NPL: variants seen among roughly 807,000 people sequenced by gnomAD.
NPL encodes the protein N-acetylneuraminate pyruvate lyase, also known as N-acetylneuraminate lyase.
NPL carries 32 observed loss-of-function variants against 41.1 expected under a neutral mutation model. The ratio of observed to expected loss-of-function variants is 0.78; its 90% CI spans 0.59 to 1.05. The LOEUF (loss-of-function observed/expected upper bound fraction) is 1.05, where lower values mean the gene tolerates loss of function less well. Ranked by LOEUF, NPL falls within the 50% of genes least tolerant of loss-of-function variation. The pLI, the probability that NPL is intolerant of heterozygous loss-of-function variation, is 0.00. For synonymous variants in NPL, 128 were observed against 134.9 expected, an observed-to-expected ratio of 0.95 and a Z score of 0.35; for missense variants, 321 against 378.4, an observed-to-expected ratio of 0.85 and a Z score of 1.26.
At chr1:182,812,240 G>A in intron 6 of NPL, 27 bp downstream of exon 6, 1 of 1,600,838 alleles carries the variant, frequency 6.2e-7, no homozygotes, top group Non-Finnish European at 8.6e-7. Flanking sequence ...ATCTGGGAGA[G>A]ACCATTCAAG....
intron 11 of NPL, among the ~76,000 whole-genome samples, chr1:182,824,685 T>G (rs1667583741): frequency 6.6e-6 from 1 of 152,010 alleles, no homozygotes; most frequent in Non-Finnish European, 1.5e-5. Flanking sequence ...TAGTCCCAGC[T>G]ACTTGGGAGG....
intron 3 of NPL, among the ~76,000 whole-genome samples, chr1:182,796,166 CAAAAAAA>C (rs11419574): frequency 6.8e-5 from 7 of 103,248 alleles, no homozygotes; most frequent in Non-Finnish European, 1.2e-4. Context: ...GGTGTGAAAT[CAAAAAAA>C]AAAAAAAAAA....
chr1:182,795,449 A>C (rs1477496757), intron 3 of NPL, among the ~76,000 whole-genome samples: 1 of 152,212 alleles, frequency 6.6e-6, no homozygotes, highest in East Asian at 1.9e-4. Flanking sequence ...ACCTTTTACA[A>C]GGGACTTTCT....
At chr1:182,791,926 T>C (rs1666527199) in intron 1 of NPL, among the ~76,000 whole-genome samples, 1 of 152,136 alleles carries the variant, frequency 6.6e-6, no homozygotes, top group African/African-American at 2.4e-5. Flanking sequence ...GGAAAAATTA[T>C]AAAGGCGAAA....
chr1:182,802,368 T>G (rs1268035120), intron 3 of NPL, among the ~76,000 whole-genome samples: 1 of 152,272 alleles, frequency 6.6e-6, no homozygotes, highest in Non-Finnish European at 1.5e-5. Flanking sequence ...ATAGCTTTCC[T>G]TTTAAACTCA....
rs575615517 is a variant in NPL, at chr1:182,821,966, C to T, written c.654-149C>T. On this transcript the variant is annotated intron_variant, in intron 10 of 12. Transcript: ENST00000367553. The stretch of plus-strand genomic sequence containing the variant: ...TTGCTGGAAAACTCAGAACTGAAGA[C>T]AGTCTTGTCCCCTAATAGATTAGGA... 650 of 690,858 alleles carry T rather than the reference C, an allele frequency of 9.4e-4. 4 individuals carry two copies. The highest frequency in any genetic ancestry group is 2.8e-3 in the Middle Eastern group (9 of 3,258). The allele number at this position is 690,858 out of a possible 1,614,324, so 42.8% of individuals were successfully genotyped here. A position where few individuals can be genotyped will look rare whatever the true frequency, so the allele number is the denominator to read the frequency against.
chr1:182,792,906 A>T (rs573107450), intron 2 of NPL, among the ~76,000 whole-genome samples: 2 of 152,354 alleles, frequency 1.3e-5, no homozygotes, highest in Admixed American at 1.3e-4. Context: ...TAAGATGAAC[A>T]ATTAGAAGAG....
Position 182,822,178 on chromosome 1 carries a change from C to G in NPL, c.717C>G (p.Phe239Leu), listed in dbSNP as rs1667504994. The change falls in exon 11 of 13, where the codon TTC (phenylalanine) becomes TTG (leucine). Residue 239 changes from phenylalanine (F) to leucine (L), a missense_variant. Coordinates refer to ENST00000367553, the MANE Select transcript of NPL (RefSeq NM_030769.3). ...QMLEAFEQKD[F>L]SLALNYQFCI... ...TGGAGGCTTTTGAACAAAAGGACTT[C>G]TCTTTAGCCCTGAACTATCAGGTAA... is the stretch of plus-strand genomic sequence containing the variant. 1 of 1,612,310 alleles carries G rather than the reference C, an allele frequency of 6.2e-7. No homozygotes were observed.
Position 182,816,789 on chromosome 1 carries a change from C to T in NPL, c.440C>T (p.Ala147Val), listed in dbSNP as rs1303782941. The T allele has an allele frequency of 1.2e-6, 2 of 1,612,570 alleles. No homozygotes were observed. The highest frequency in any genetic ancestry group is 2.2e-5 in the South Asian group (2 of 91,066). The change falls in exon 8 of 13, where the codon GCC becomes GTC. Residue 147 changes from alanine (A) to valine (V), a missense_variant. Transcript: ENST00000367553. ...CCATTTTATTACTATCACATTCCTG[C>T]CTTGACAGGGGTAAAGAGTAAGTAC... ...ALPFYYYHIP[A>V]LTGVKIRAEE...
chr1:182,807,907 AAAG>A (rs1667069044), intron 5 of NPL, among the ~76,000 whole-genome samples: 1 of 151,094 alleles, frequency 6.6e-6, no homozygotes, highest in African/African-American at 2.4e-5. Context: ...AAAAAAAAAA[AAAG>A]AACAGTACCA....
At chr1:182,822,059 T>A in intron 10 of NPL, 56 bp from the exon 11 acceptor site, 2 of 1,126,198 alleles carry the variant, frequency 1.8e-6, no homozygotes, top group Non-Finnish European at 2.7e-6. Flanking sequence ...GATTTGAAGA[T>A]CTGGACCTTT....
chr1:182,828,573 A>T lies in NPL; in HGVS notation c.779-151A>T. The T allele has an allele frequency of 4.2e-6, 4 of 960,170 alleles. No homozygotes were observed. The highest frequency in any genetic ancestry group is 6.3e-6 in the Non-Finnish European group (4 of 630,012). 59.5% of individuals were successfully genotyped at this position (960,170 alleles called of 1,614,324 possible). A position where few individuals can be genotyped will look rare whatever the true frequency, so the allele number is the denominator to read the frequency against. On this transcript the variant is annotated intron_variant, in intron 12 of 12. Transcript: ENST00000367553. This position sits in a 1 kb window ranked among gnomAD's most constrained non-coding sequence, Gnocchi z 4.0. ...GAAGAGGGATTTCGAATGATTGCTC[A>T]TCTGTCATATTGACTAGAAATGTTC...
intron 12 of NPL, among the ~76,000 whole-genome samples, chr1:182,827,698 T>C (rs1667667338): frequency 6.6e-6 from 1 of 152,236 alleles, no homozygotes; most frequent in South Asian, 2.1e-4. Context: ...TTCCTTCTTT[T>C]ATCTCTGAGA....
At chr1:182,801,925 AT>A (rs1666858867) in intron 3 of NPL, among the ~76,000 whole-genome samples, 1 of 152,174 alleles carries the variant, frequency 6.6e-6, no homozygotes, top group African/African-American at 2.4e-5. Flanking sequence ...CCTAGCTGTC[AT>A]TTATCAGTCC....
rs569126106 is a variant in NPL at position 182,829,827 on chromosome 1, A to G, written c.*919A>G. 3.3e-6 allele frequency: 2 copies of G among 599,618 alleles called. No individual in the cohort carries two copies. The highest frequency in any genetic ancestry group is 3.0e-5 in the Admixed American group (1 of 33,544). 37.1% of individuals were successfully genotyped at this position (599,618 alleles called of 1,614,324 possible). On this transcript the variant is annotated 3_prime_UTR_variant, in exon 13 of 13. Coordinates refer to ENST00000367553, the MANE Select transcript of NPL (RefSeq NM_030769.3). ...TGATAGAAGATTTGGGGAGGACCCAAAGGACTCAGAACTTTCTCTCCATAC... is the reference window on the plus strand; with the variant it reads ...TGATAGAAGATTTGGGGAGGACCCAGAGGACTCAGAACTTTCTCTCCATAC...
intron 2 of NPL, among the ~76,000 whole-genome samples, chr1:182,793,716 G>C (rs1666578890): frequency 6.6e-6 from 1 of 152,172 alleles, no homozygotes; most frequent in Non-Finnish European, 1.5e-5. Context: ...CCTTAAGACA[G>C]GCTTGTTTTA....
rs753267981 is a variant in NPL, at chr1:182,794,435, A to G, written c.64A>G (p.Asn22Asp). ...TGCAACCATCACGCCAATGACTGAG[A>G]ATGGGTAACTATCATTTGGGGCCTT... ...VAATITPMTE[N>D]GEINFSVIGQ... Residue 22 changes from asparagine to aspartate, a missense_variant, in exon 3 of 13, where the codon AAT becomes GAT. Coordinates refer to ENST00000367553, the MANE Select transcript of NPL (RefSeq NM_030769.3). 6.2e-7 allele frequency: 1 copy of G among 1,614,142 alleles called. No individual in the cohort carries two copies. The highest frequency in any genetic ancestry group is 8.5e-7 in the Non-Finnish European group (1 of 1,179,974).
Position 182,803,609 on chromosome 1 carries a change from G to A in NPL, c.69-89G>A. ...TTGAGTGGATTTTTAATAACTATTA[G>A]CAAGAGGGAGCAGTTTATATACCTG... On this transcript the variant is annotated intron_variant, in intron 3 of 12. Transcript: ENST00000367553. 3 of 842,124 alleles carry A rather than the reference G, an allele frequency of 3.6e-6. No homozygotes were observed. In the South Asian group the frequency reaches 4.2e-5, roughly 12 times the overall value. The allele number at this position is 842,124 out of a possible 1,614,324, so 52.2% of individuals were successfully genotyped here.
chr1:182,811,354 A>G (rs916142490), intron 5 of NPL, among the ~76,000 whole-genome samples: 10 of 151,956 alleles, frequency 6.6e-5, no homozygotes, highest in Admixed American at 2.0e-4. Flanking sequence ...TCAGCCCCCA[A>G]GTAGCTGGGA....
Sources: gnomAD v4.1 joint callset for allele counts (sites outside exome capture counted in the v4.1 genomes callset) on GRCh38, gnomAD v4.1.1 for gene constraint, Gnocchi (gnomAD v3.1) non-coding constraint, MANE v1.5 for transcripts, NCBI Gene and HGNC (gene_info 2026-07-23, HGNC 2026-07-21) for gene names.